Variants in CDH12 observed in about 807,000 individuals in gnomAD.
The protein encoded by CDH12 is cadherin-12.
In CDH12, 41 loss-of-function variants were observed where a neutral mutation model predicts 74.1. The observed-to-expected ratio is 0.55, with a 90% CI of 0.43 to 0.72. The LOEUF (loss-of-function observed/expected upper bound fraction) is 0.72, where lower values mean the gene tolerates loss of function less well. Ranked by LOEUF, CDH12 falls within the 30% of genes least tolerant of loss-of-function variation. The pLI is 0.00. For synonymous variants in CDH12, 399 were observed against 355.0 expected, an observed-to-expected ratio of 1.12 and a Z score of -1.39; for missense variants, 945 against 977.2, an observed-to-expected ratio of 0.97 and a Z score of 0.44.
At chr5:21,930,001 A>G (rs1025458027) in intron 6 of CDH12, among the ~76,000 whole-genome samples, 1 of 152,204 alleles carries the variant, frequency 6.6e-6, no homozygotes, top group Admixed American at 6.5e-5. Flanking sequence ...GAAGGGCAGC[A>G]CAACTCCATT....
At chr5:22,019,958 A>G (rs775929910) in intron 5 of CDH12, among the ~76,000 whole-genome samples, 1 of 152,160 alleles carries the variant, frequency 6.6e-6, no homozygotes, top group African/African-American at 2.4e-5. Context: ...CTTTAGTCCA[A>G]TGGCACTGGA....
In CDH12 at chr5:22,805,044, A is replaced by C. The variant is rs1748711529; in HGVS notation, c.-523+48014T>G. 3.3e-5 allele frequency among the ~76,000 whole-genome samples: 5 copies of C among 152,288 alleles called. No individual in the cohort carries two copies. In the South Asian group the frequency reaches 1.0e-3, roughly 32 times the overall value. On this transcript the variant is annotated intron_variant, in intron 1 of 14. Coordinates refer to ENST00000382254, the MANE Select transcript of CDH12 (RefSeq NM_004061.5). The stretch of plus-strand genomic sequence containing the variant: ...AGGGATGCTGTACACTGCTGGTGGG[A>C]ATGTAAAATGCTATAATGATTTTGG...
chr5:22,527,846 AC>A (rs1436018656), intron 1 of CDH12, among the ~76,000 whole-genome samples: 1 of 152,118 alleles, frequency 6.6e-6, no homozygotes, highest in East Asian at 1.9e-4. Context: ...TTTTAGCCAA[AC>A]AACCAAATAG....
intron 3 of CDH12, among the ~76,000 whole-genome samples, chr5:22,248,645 C>A (rs1382763140): frequency 6.6e-6 from 1 of 152,080 alleles, no homozygotes; most frequent in East Asian, 1.9e-4. Flanking sequence ...GATACAGGAA[C>A]AGAATCCTTA....
At chr5:22,283,251 T>TAC (rs70959712) in intron 3 of CDH12, among the ~76,000 whole-genome samples, 57 of 102,016 alleles carry the variant, frequency 5.6e-4, no homozygotes, top group African/African-American at 2.2e-3. Context: ...TATATATATA[T>TAC]ACACACACAC....
At chr5:22,646,554 A>G (rs1246801359) in intron 1 of CDH12, among the ~76,000 whole-genome samples, 1 of 151,940 alleles carries the variant, frequency 6.6e-6, no homozygotes, top group Non-Finnish European at 1.5e-5. Context: ...TATGTCCCAA[A>G]CATAACACTA....
Position 22,151,142 on chromosome 5 carries a change from G to A in CDH12, c.-187+61356C>T, listed in dbSNP as rs375075247. Among the ~76,000 whole-genome samples, 27 of 152,172 alleles carry A rather than the reference G, an allele frequency of 1.8e-4. No individual in the cohort carries two copies. The South Asian group carries it at 5.4e-3, about 30-fold the overall frequency. Reference sequence around the variant, plus strand: ...CTATCCACACCCATTTTACTCATGTGGAAACCAAGGCACAGGGAGGTTAAA... The same window carrying A: ...CTATCCACACCCATTTTACTCATGTAGAAACCAAGGCACAGGGAGGTTAAA... On this transcript the variant is annotated intron_variant, in intron 4 of 14. Coordinates refer to ENST00000382254, the MANE Select transcript of CDH12 (RefSeq NM_004061.5).
At chr5:22,834,941 G>A (rs1736759956) in intron 1 of CDH12, among the ~76,000 whole-genome samples, 1 of 151,916 alleles carries the variant, frequency 6.6e-6, no homozygotes, top group South Asian at 2.1e-4. Flanking sequence ...TCAAAAGAGG[G>A]GGAGATAAAT....
chr5:22,840,635 A>C (rs911218307), intron 1 of CDH12, among the ~76,000 whole-genome samples: 5 of 152,066 alleles, frequency 3.3e-5, no homozygotes, highest in Admixed American at 3.3e-4. Flanking sequence ...ATCTCTTGAA[A>C]TATATGAGCA....
intron 8 of CDH12, among the ~76,000 whole-genome samples, chr5:21,831,960 T>C (rs75139209): frequency 0.037 from 5,632 of 152,182 alleles, 294 homozygotes; most frequent in African/African-American, 0.12. Context: ...AGCTGGAAAG[T>C]AGACAGATTA....
intron 11 of CDH12, among the ~76,000 whole-genome samples, chr5:21,772,909 G>T (rs906073895): frequency 1.3e-5 from 2 of 152,136 alleles, no homozygotes; most frequent in Non-Finnish European, 2.9e-5. Flanking sequence ...AGTTGTACAT[G>T]TGATTTTGAT....
At chr5:22,660,187 A>G (rs1362487797) in intron 1 of CDH12, among the ~76,000 whole-genome samples, 1 of 152,210 alleles carries the variant, frequency 6.6e-6, no homozygotes, top group African/African-American at 2.4e-5. Context: ...CAAAGCAAGC[A>G]TGTATTTATA....
chr5:21,769,726 A>G (rs1258960687), intron 11 of CDH12, among the ~76,000 whole-genome samples: 1 of 152,130 alleles, frequency 6.6e-6, no homozygotes, highest in Non-Finnish European at 1.5e-5. Flanking sequence ...CATTATATAA[A>G]CTTATAGTTC....
chr5:22,390,818 T>C (rs1192376852), intron 3 of CDH12, among the ~76,000 whole-genome samples: 1 of 152,134 alleles, frequency 6.6e-6, no homozygotes, highest in Middle Eastern at 3.2e-3. Context: ...CACAGCAATT[T>C]TTAATACATA....
chr5:22,557,818 A>G (rs1357042223), intron 1 of CDH12, among the ~76,000 whole-genome samples: 1 of 152,142 alleles, frequency 6.6e-6, no homozygotes, highest in East Asian at 1.9e-4. Context: ...TAGTAATTCA[A>G]TTAAGTAATT....
intron 1 of CDH12, among the ~76,000 whole-genome samples, chr5:22,807,508 T>C (rs1748878527): frequency 1.3e-5 from 2 of 152,224 alleles, no homozygotes; most frequent in African/African-American, 4.8e-5. Flanking sequence ...TATGTGCTGC[T>C]TAATGACAGA....
At chr5:22,219,516 C>T (rs1353008504) in intron 3 of CDH12, among the ~76,000 whole-genome samples, 1 of 151,722 alleles carries the variant, frequency 6.6e-6, no homozygotes, top group Non-Finnish European at 1.5e-5. Flanking sequence ...TAGGTGACTG[C>T]TATCTGCCTT....
intron 5 of CDH12, among the ~76,000 whole-genome samples, chr5:22,049,738 T>C (rs373709595): frequency 2.6e-5 from 4 of 152,260 alleles, no homozygotes. Flanking sequence ...TAACTGTTGT[T>C]GTAGGATATC....
At chr5:22,356,444 A>C (rs777913836) in intron 3 of CDH12, among the ~76,000 whole-genome samples, 9 of 152,120 alleles carry the variant, frequency 5.9e-5, no homozygotes, top group Admixed American at 2.0e-4. Context: ...CTGCATTCAC[A>C]CAGTCCTTGG....
Sources: allele counts gnomAD v4.1 joint callset (sites outside exome capture counted in the v4.1 genomes callset), GRCh38; gene constraint gnomAD v4.1.1; transcripts MANE v1.5; gene names NCBI Gene and HGNC (gene_info 2026-07-23, HGNC 2026-07-21).